PRCD: variants seen among roughly 807,000 people sequenced by gnomAD.
PRCD encodes photoreceptor disc component, also known as photoreceptor disk component PRCD.
In PRCD, 12 loss-of-function variants were observed where a neutral mutation model predicts 10.1. The ratio of observed to expected loss-of-function variants is 1.18; its 90% CI spans 0.76 to 1.92. PRCD has a LOEUF of 1.92. Among genes scored for constraint, PRCD ranks in the 40% most tolerant of loss-of-function variants. PRCD has a pLI of 0.00. For synonymous variants in PRCD, 31 were observed against 26.2 expected (o/e 1.18, Z -0.56); for missense variants, 61 against 72.2 (o/e 0.84, Z 0.56).
intron 1 of PRCD, chr17:76,552,920 T>A (rs1445241834): frequency 3.7e-5 from 5 of 135,324 alleles, no homozygotes; most frequent in Non-Finnish European, 7.8e-5. Context: ...ATATAAAACA[T>A]GTATATGTGT....
chr17:76,543,763 C>T (rs1238208990), intron 4 of PRCD, 40 bp from the exon 5 acceptor site: 3 of 470,108 alleles, frequency 6.4e-6, no homozygotes, highest in South Asian at 4.6e-5. Flanking sequence ...GTCGGTTTGC[C>T]ACAGTGGCAC....
upstream of PRCD, among the ~76,000 whole-genome samples, chr17:76,539,864 C>A (rs2074964373): frequency 6.6e-6 from 1 of 152,236 alleles, no homozygotes; most frequent in Non-Finnish European, 1.5e-5. Context: ...GCAAGCAAGG[C>A]CCAGTCTCAT....
rs745635017 is a variant in PRCD, at chr17:76,545,179, GCT to G, written c.*1534_*1535del. 7 of 456,638 alleles carry G rather than the reference GCT, an allele frequency of 1.5e-5. No individual in the cohort carries two copies. The highest frequency in any genetic ancestry group is 9.3e-5 in the South Asian group (6 of 64,578). The allele number at this position is 456,638 out of a possible 1,614,324, so 28.3% of individuals were successfully genotyped here. ...TTCCCGGGGCCTCTCCCACCCCTGG[GCT>G]CTCTGCGCAGTCTGCACATTTGCAG... On this transcript the variant is annotated 3_prime_UTR_variant, in exon 5 of 5. Transcript: ENST00000592014.
intron 1 of PRCD, among the ~76,000 whole-genome samples, chr17:76,534,116 T>C (rs2074883118): frequency 2.9e-5 from 4 of 138,750 alleles, no homozygotes; most frequent in South Asian, 2.3e-4. Flanking sequence ...TCTTTCTTCT[T>C]TCTTTCTTTC....
chr17:76,534,021 G>C (rs1264491528), intron 1 of PRCD, among the ~76,000 whole-genome samples: 1 of 152,200 alleles, frequency 6.6e-6, no homozygotes, highest in Admixed American at 6.5e-5. Context: ...TTGGGTGACA[G>C]AGCAAGACCC....
rs1020182294 is a variant in PRCD at position 76,540,719 on chromosome 17, G to C, written c.143+146G>C. The C allele has an allele frequency of 1.9e-5, 15 of 788,982 alleles. No individual in the cohort carries two copies. The highest frequency in any genetic ancestry group is 3.0e-5 in the Non-Finnish European group (14 of 465,254). The allele number at this position is 788,982 out of a possible 1,614,324, so 48.9% of individuals were successfully genotyped here. A position where few individuals can be genotyped will look rare whatever the true frequency, so the allele number is the denominator to read the frequency against. On this transcript the variant is annotated intron_variant, in intron 2 of 4. Transcript: ENST00000592014. The surrounding 1 kb of genome is among the most constrained non-coding windows in gnomAD (Gnocchi z 5.0). ...GCCCTAAGCACCCTGCTCCCTGTCC[G>C]CCTGCTGGGCAGGCTGGATGTCTGT...
chr17:76,543,970 G>T lies in PRCD; in HGVS notation c.*320G>T. Reference sequence around the variant, plus strand: ...GCGCGTGTGTTCCAAACGGGCAGTAGCGTGTGGGAAGGAAAAAGCCTGACA... The same window carrying T: ...GCGCGTGTGTTCCAAACGGGCAGTATCGTGTGGGAAGGAAAAAGCCTGACA... On this transcript the variant is annotated 3_prime_UTR_variant, in exon 5 of 5. Transcript: ENST00000592014. 2.1e-6 allele frequency: 1 copy of T among 465,250 alleles called. No individual in the cohort carries two copies. The allele number at this position is 465,250 out of a possible 1,614,324, so 28.8% of individuals were successfully genotyped here. A position where few individuals can be genotyped will look rare whatever the true frequency, so the allele number is the denominator to read the frequency against.
intron 1 of PRCD, among the ~76,000 whole-genome samples, chr17:76,534,929 C>G (rs1423556866): frequency 6.6e-6 from 1 of 152,232 alleles, no homozygotes. Context: ...GAGACCCTCC[C>G]GGTCTCAGCC....
At chr17:76,550,965 T>G (rs2075103500) in intron 1 of PRCD, 2 of 152,170 alleles carry the variant, frequency 1.3e-5, no homozygotes, top group Non-Finnish European at 2.9e-5. Context: ...GATGAGAAAA[T>G]AAGACTCAGA....
rs1567912826 is a variant in PRCD, at chr17:76,543,846, CA to C, written c.*198del. The C allele has an allele frequency of 2.1e-6, 1 of 471,128 alleles. No homozygotes were observed. The highest frequency in any genetic ancestry group is 4.4e-6 in the Non-Finnish European group (1 of 227,064). The allele number at this position is 471,128 out of a possible 1,614,324, so 29.2% of individuals were successfully genotyped here. A position where few individuals can be genotyped will look rare whatever the true frequency, so the allele number is the denominator to read the frequency against. On this transcript the variant is annotated 3_prime_UTR_variant, in exon 5 of 5. Transcript: ENST00000592014. Reference sequence around the variant, plus strand: ...TCACTGGCTGCTCTGCTGAAATTATCAATAAGAAATGCCAGTTGGATCTGTG... The same window carrying C: ...TCACTGGCTGCTCTGCTGAAATTATCATAAGAAATGCCAGTTGGATCTGTG...
rs1461299560 is a variant in PRCD at position 76,533,848 on chromosome 17, A to G, written n.45+6015A>G. 1.3e-5 allele frequency among the ~76,000 whole-genome samples: 2 copies of G among 152,132 alleles called. No homozygotes were observed. The highest frequency in any genetic ancestry group is 2.9e-5 in the Non-Finnish European group (2 of 68,014). ...AGTTTGAGACCAGCCTGGGCAACAT[A>G]GTGAGATCCTGTCTCCAGAAAAAAA... is the stretch of plus-strand genomic sequence containing the variant. On this transcript the variant is annotated intron_variant and non_coding_transcript_variant, in intron 1 of 4. Coordinates refer to the PRCD transcript ENST00000397633. The surrounding 1 kb of genome is among the most constrained non-coding windows in gnomAD (Gnocchi z 4.5).
At chr17:76,550,837 G>A (rs1478501149) in intron 1 of PRCD, 1 of 152,202 alleles carries the variant, frequency 6.6e-6, no homozygotes, top group African/African-American at 2.4e-5. Flanking sequence ...GAAATAACAC[G>A]AACTCCCATT....
Position 76,540,260 on chromosome 17 carries a change from G to T in PRCD, c.74+45G>T, listed in dbSNP as rs772423009. 561 of 933,100 alleles carry T rather than the reference G, an allele frequency of 6.0e-4. 1 individual carries two copies. The highest frequency in any genetic ancestry group is 8.6e-4 in the Non-Finnish European group (509 of 590,206). The allele number at this position is 933,100 out of a possible 1,614,324, so 57.8% of individuals were successfully genotyped here. On this transcript the variant is annotated intron_variant, in intron 1 of 4. Transcript: ENST00000592014. This position sits in a 1 kb window ranked among gnomAD's most constrained non-coding sequence, Gnocchi z 5.0. ...ATGGCTGGCGGTTGGTCGGGGGGGG[G>T]GGGCATGGGGCTGGGCTGCCACCAA...
At chr17:76,541,434 G>A (rs764599296) in intron 2 of PRCD, among the ~76,000 whole-genome samples, 1 of 152,184 alleles carries the variant, frequency 6.6e-6, no homozygotes, top group Non-Finnish European at 1.5e-5. Context: ...CGGGTACTGT[G>A]ACCATCCATG....
downstream of PRCD, chr17:76,549,930 TAAG>T (rs1598220263): frequency 1.3e-5 from 2 of 152,256 alleles, no homozygotes; most frequent in Admixed American, 1.3e-4. Flanking sequence ...ACTGCAAGGG[TAAG>T]AAGGTTTTTG....
upstream of PRCD, among the ~76,000 whole-genome samples, chr17:76,539,111 G>A (rs2074957173): frequency 6.6e-6 from 1 of 152,068 alleles, no homozygotes; most frequent in Non-Finnish European, 1.5e-5. Flanking sequence ...ATGCCTCCTG[G>A]GGGTCTTGGA....
At chr17:76,541,431 T>C (rs2074992669) in intron 2 of PRCD, among the ~76,000 whole-genome samples, 1 of 152,220 alleles carries the variant, frequency 6.6e-6, no homozygotes, top group Non-Finnish European at 1.5e-5. Context: ...TGGCGGGTAC[T>C]GTGACCATCC....
chr17:76,543,916 C>T lies in PRCD; in HGVS notation c.*266C>T, dbSNP rs72860161. ...GGATGGGAGCAACGGACAGCTTGTC[C>T]TCCGAATGTGTTTTCTGTATGTGTG... On this transcript the variant is annotated 3_prime_UTR_variant, in exon 5 of 5. Coordinates refer to ENST00000592014, the MANE Select transcript of PRCD (RefSeq NM_001077620.3). The T allele has an allele frequency of 3.8e-3, 1,807 of 470,810 alleles. 6 individuals are homozygous for T. The highest frequency in any genetic ancestry group is 0.01 in the Middle Eastern group (30 of 2,870). 29.2% of individuals were successfully genotyped at this position (470,810 alleles called of 1,614,324 possible). A position where few individuals can be genotyped will look rare whatever the true frequency, so the allele number is the denominator to read the frequency against.
upstream of PRCD, among the ~76,000 whole-genome samples, chr17:76,535,275 G>C (rs2074902707): frequency 6.6e-6 from 1 of 152,208 alleles, no homozygotes; most frequent in Non-Finnish European, 1.5e-5. Flanking sequence ...AGTGGGGAGG[G>C]CAGAGGTGAG....
Sources: gnomAD v4.1 joint callset for allele counts (sites outside exome capture counted in the v4.1 genomes callset) on GRCh38, gnomAD v4.1.1 for gene constraint, Gnocchi (gnomAD v3.1) non-coding constraint, MANE v1.5 for transcripts, NCBI Gene and HGNC (gene_info 2026-07-23, HGNC 2026-07-21) for gene names.